The following ACVR1 variants were observed in gnomAD, a reference collection of about 807,000 sequenced individuals.
ACVR1 encodes the protein activin A receptor type 1.
In ACVR1, 38 loss-of-function variants were observed where a neutral mutation model predicts 57.1. That is an observed-to-expected ratio of 0.67 (90% CI 0.51 to 0.87). ACVR1 has a LOEUF of 0.87. ACVR1 is among the 40% of genes least tolerant of loss of function. The probability of loss-of-function intolerance (pLI) is 0.00; values close to 1 mark genes in which losing one functional copy is unlikely to be tolerated. For missense variants in ACVR1, 463 were observed against 638.2 expected (o/e 0.73, Z 2.96); for synonymous variants, 212 against 228.1 (o/e 0.93, Z 0.63).
At chr2:157,810,855 A>G (rs1168904993) in intron 2 of ACVR1, among the ~76,000 whole-genome samples, 1 of 152,176 alleles carries the variant, frequency 6.6e-6, no homozygotes, top group Non-Finnish European at 1.5e-5. Flanking sequence ...TTCAGTCCAC[A>G]GTGTTCTGCC....
chr2:157,852,102 C>T (rs1316215456), intron 1 of ACVR1, among the ~76,000 whole-genome samples: 1 of 151,998 alleles, frequency 6.6e-6, no homozygotes, highest in Non-Finnish European at 1.5e-5. Flanking sequence ...CATCAAAACA[C>T]TTTAAAGGAC....
chr2:157,799,380 A>AAC (rs1380750268), intron 3 of ACVR1, 47 bp downstream of exon 3: 1 of 1,469,516 alleles, frequency 6.8e-7, no homozygotes. Context: ...CCAAAAAAAA[A>AAC]AATCACAGTA....
intron 1 of ACVR1, among the ~76,000 whole-genome samples, chr2:157,850,714 T>C (rs1261516382): frequency 6.6e-6 from 1 of 152,162 alleles, no homozygotes; most frequent in Non-Finnish European, 1.5e-5. Context: ...CTCAGCACTT[T>C]GGGAGGCCAA....
intron 1 of ACVR1, among the ~76,000 whole-genome samples, chr2:157,852,509 A>G (rs1689355631): frequency 6.6e-6 from 1 of 151,714 alleles, no homozygotes; most frequent in Non-Finnish European, 1.5e-5. Flanking sequence ...AAAAAAAAAA[A>G]AAAGAAAAAA....
intron 9 of ACVR1, among the ~76,000 whole-genome samples, chr2:157,750,407 C>A (rs1476477385): frequency 6.6e-6 from 1 of 152,216 alleles, no homozygotes; most frequent in Non-Finnish European, 1.5e-5. Flanking sequence ...TGCCCAAGGA[C>A]CAGTCTTCCT....
At chr2:157,771,670 AG>A (rs1294015487) in intron 6 of ACVR1, among the ~76,000 whole-genome samples, 1 of 152,150 alleles carries the variant, frequency 6.6e-6, no homozygotes, top group African/African-American at 2.4e-5. Context: ...AAACATGGAG[AG>A]AGAAGCAGTT....
Position 157,778,022 on chromosome 2 carries a change from T to A in ACVR1, c.543+109A>T, listed in dbSNP as rs1574053155. 6 of 1,155,490 alleles carry A rather than the reference T, an allele frequency of 5.2e-6. No homozygotes were observed. In the East Asian group the frequency reaches 1.2e-4, roughly 23 times the overall value. 71.6% of individuals were successfully genotyped at this position (1,155,490 alleles called of 1,614,324 possible). ...GGACATAAGTAACCAACAGCATGTG[T>A]GTACACTGTTCAGTCACTCATTACT... On this transcript the variant is annotated intron_variant, in intron 5 of 10. Coordinates refer to ENST00000434821, the MANE Select transcript of ACVR1 (RefSeq NM_001111067.4).
At chr2:157,847,331 T>C (rs191069815) in intron 1 of ACVR1, among the ~76,000 whole-genome samples, 4 of 152,108 alleles carry the variant, frequency 2.6e-5, no homozygotes, top group African/African-American at 7.2e-5. Context: ...AAAAAAACAC[T>C]AGGACATGCC....
At chr2:157,751,109 G>A (rs1194902733) in intron 9 of ACVR1, among the ~76,000 whole-genome samples, 1 of 152,212 alleles carries the variant, frequency 6.6e-6, no homozygotes, top group Admixed American at 6.5e-5. Flanking sequence ...CTGGGAGACA[G>A]TCCAAATACT....
chr2:157,822,586 AG>A (rs1421657596), intron 1 of ACVR1, among the ~76,000 whole-genome samples: 8 of 152,234 alleles, frequency 5.3e-5, no homozygotes, highest in African/African-American at 1.9e-4. Flanking sequence ...TATCACACTT[AG>A]TAGGATTTAC....
rs1325564735 is a variant in ACVR1, at chr2:157,826,766, GA to G, written c.-182-8208del. 4 of 92,738 alleles carry G rather than the reference GA, an allele frequency of 4.3e-5. No individual in the cohort carries two copies. The East Asian group carries it at 1.0e-3, about 24-fold the overall frequency. 5.7% of individuals were successfully genotyped at this position (92,738 alleles called of 1,614,324 possible). ...GAAAGGAAAGGAAAGGAAAGGAAAG[GA>G]AAGGAAAGGAAAGGAAAGGAAAGGG... is the stretch of plus-strand genomic sequence containing the variant. On this transcript the variant is annotated intron_variant, in intron 1 of 10. Transcript: ENST00000434821.
At chr2:157,811,701 CAA>C (rs1162759792) in intron 2 of ACVR1, among the ~76,000 whole-genome samples, 1 of 152,122 alleles carries the variant, frequency 6.6e-6, no homozygotes, top group East Asian at 1.9e-4. Context: ...TCTCACCCAA[CAA>C]AGTTAAAATT....
intron 9 of ACVR1, among the ~76,000 whole-genome samples, chr2:157,739,327 A>T (rs578261605): frequency 3.3e-5 from 5 of 152,224 alleles, no homozygotes; most frequent in Admixed American, 6.5e-5. Flanking sequence ...CCCAAAAGCA[A>T]ATATGAACAG....
At chr2:157,808,569 T>C (rs1410262664) in intron 2 of ACVR1, among the ~76,000 whole-genome samples, 5 of 152,202 alleles carry the variant, frequency 3.3e-5, no homozygotes, top group Non-Finnish European at 7.3e-5. Context: ...GACAACTCCC[T>C]GGTGGACAAT....
chr2:157,810,550 G>A (rs185524961), intron 2 of ACVR1, among the ~76,000 whole-genome samples: 1 of 152,290 alleles, frequency 6.6e-6, no homozygotes, highest in African/African-American at 2.4e-5. Context: ...AATCCATGAT[G>A]AACATTTCCA....
At position 157,770,411 on chromosome 2, in the gene ACVR1, C is replaced by T. The variant is rs775087563; in HGVS notation, c.747G>A (p.Thr249=). The T allele has an allele frequency of 1.7e-5, 28 of 1,613,922 alleles. No individual in the cohort carries two copies. In the African/African-American group the frequency reaches 1.7e-4, roughly 10 times the overall value. ...SRDEKSWFRE[T]ELYNTVMLRH... Reference sequence around the variant, plus strand: ...TCAGCATCACAGTGTTGTACAATTCCGTTTCCCTGAACCATGACTTCTCAT... The same window carrying T: ...TCAGCATCACAGTGTTGTACAATTCTGTTTCCCTGAACCATGACTTCTCAT... Residue 249 remains threonine, a synonymous_variant, in exon 7 of 11, where the codon ACG becomes ACA. Transcript: ENST00000434821.
At chr2:157,798,756 G>A (rs1429863020) in intron 3 of ACVR1, among the ~76,000 whole-genome samples, 1 of 151,980 alleles carries the variant, frequency 6.6e-6, no homozygotes, top group East Asian at 1.9e-4. Context: ...TCGAACTCTT[G>A]ACCTCAAGTG....
intron 7 of ACVR1, 54 bp from the exon 8 acceptor site, chr2:157,766,250 A>C: frequency 6.3e-7 from 1 of 1,580,774 alleles, no homozygotes; most frequent in Non-Finnish European, 8.7e-7. Flanking sequence ...ATTATAACTT[A>C]AAGTATTTAG....
At chr2:157,826,210 T>C (rs1359519661) in intron 1 of ACVR1, among the ~76,000 whole-genome samples, 3 of 152,214 alleles carry the variant, frequency 2.0e-5, no homozygotes, top group Non-Finnish European at 4.4e-5. Context: ...TAGGCTGTAC[T>C]ATTTACCTTC....
Sources: gnomAD v4.1 joint callset for allele counts (sites outside exome capture counted in the v4.1 genomes callset) on GRCh38, gnomAD v4.1.1 for gene constraint, MANE v1.5 for transcripts, NCBI Gene and HGNC (gene_info 2026-07-23, HGNC 2026-07-21) for gene names.